SATB2: variants seen among roughly 807,000 people sequenced by gnomAD.
SATB2 encodes SATB homeobox 2.
SATB2 carries 1 observed loss-of-function variant against 73.4 expected under a neutral mutation model. The ratio of observed to expected loss-of-function variants is 0.01; its 90% confidence interval spans 0.00 to 0.06. The LOEUF is 0.06. Among genes scored for constraint, SATB2 ranks in the 10% least tolerant of loss-of-function variants. SATB2 has a pLI of 1.00. For missense variants in SATB2, 459 were observed against 945.8 expected, an observed-to-expected ratio of 0.49 and a Z score of 6.75; for synonymous variants, 397 against 367.0, an observed-to-expected ratio of 1.08 and a Z score of -0.93.
At chr2:199,361,460 C>A (rs1414050223) in intron 6 of SATB2, among the ~76,000 whole-genome samples, 2 of 151,882 alleles carry the variant, frequency 1.3e-5, no homozygotes, top group Non-Finnish European at 2.9e-5. Flanking sequence ...TCAATTACTG[C>A]AATAGGTTCG....
At chr2:199,336,311 A>G (rs1688337368) in intron 7 of SATB2, among the ~76,000 whole-genome samples, 1 of 152,088 alleles carries the variant, frequency 6.6e-6, no homozygotes, top group East Asian at 1.9e-4. Flanking sequence ...TTCTACTCAC[A>G]CCTCAAGTAC....
At chr2:199,423,185 A>G (rs1691223559) in intron 3 of SATB2, among the ~76,000 whole-genome samples, 1 of 152,176 alleles carries the variant, frequency 6.6e-6, no homozygotes, top group Non-Finnish European at 1.5e-5. Context: ...CCTACCTAAC[A>G]TTTTATTACA....
chr2:199,362,635 T>C (rs1439494701), intron 6 of SATB2, among the ~76,000 whole-genome samples: 1 of 152,120 alleles, frequency 6.6e-6, no homozygotes. Context: ...ACAATTATCT[T>C]GTGAGGAAGA....
At chr2:199,329,073 G>T in intron 7 of SATB2, 163 bp from the exon 8 acceptor site, 1 of 684,654 alleles carries the variant, frequency 1.5e-6, no homozygotes, top group Middle Eastern at 3.5e-4. Context: ...AAGTCAATGT[G>T]CTTGCCTTCC....
intron 3 of SATB2, chr2:199,395,752 C>T (rs968788371): frequency 6.6e-6 from 1 of 152,148 alleles, no homozygotes; most frequent in Non-Finnish European, 1.5e-5. Flanking sequence ...GCAATTCTTG[C>T]CCTTGCTATC....
intron 7 of SATB2, among the ~76,000 whole-genome samples, chr2:199,329,811 A>G (rs918758782): frequency 2.6e-5 from 4 of 152,190 alleles, no homozygotes; most frequent in African/African-American, 7.2e-5. Flanking sequence ...GGACTCCAGA[A>G]AAGGGCTGGA....
chr2:199,341,376 G>A (rs913057218), intron 7 of SATB2, among the ~76,000 whole-genome samples: 9 of 152,222 alleles, frequency 5.9e-5, no homozygotes, highest in Admixed American at 5.2e-4. Flanking sequence ...GAGCACAGGA[G>A]GAGTAGGGCC....
chr2:199,466,831 T>C (rs1229592665), upstream of SATB2, among the ~76,000 whole-genome samples: 2 of 152,256 alleles, frequency 1.3e-5, no homozygotes, highest in African/African-American at 4.8e-5. Flanking sequence ...CTTTTCCTTT[T>C]TTAAGAATGT....
intron 3 of SATB2, among the ~76,000 whole-genome samples, chr2:199,414,585 G>A (rs900237988): frequency 3.9e-5 from 6 of 152,204 alleles, no homozygotes; most frequent in African/African-American, 1.4e-4. Context: ...GACAGCAGGA[G>A]TGAGCTGAGC....
chr2:199,308,616 C>T lies in SATB2; in HGVS notation c.1740+144G>A. On this transcript the variant is annotated intron_variant, in intron 10 of 10. Transcript: ENST00000417098. This position sits in a 1 kb window ranked among gnomAD's most constrained non-coding sequence, Gnocchi z 4.6. ...CACATACACACAGTACCCACTGTGA[C>T]GACAGCGTCTTCTGTACTTGGGGAC... 6 of 693,180 alleles carry T rather than the reference C, an allele frequency of 8.7e-6. No homozygotes were observed. Among genetic ancestry groups the T allele is most frequent in the Admixed American group, 2.2e-5 (1 of 46,058 alleles). 42.9% of individuals were successfully genotyped at this position (693,180 alleles called of 1,614,324 possible).
intron 10 of SATB2, among the ~76,000 whole-genome samples, chr2:199,287,738 A>G (rs537317201): frequency 6.6e-6 from 1 of 152,256 alleles, no homozygotes; most frequent in South Asian, 2.1e-4. Context: ...AATTATTTAA[A>G]TCCTGTAATT....
intron 5 of SATB2, among the ~76,000 whole-genome samples, chr2:199,374,640 G>A (rs779179420): frequency 6.6e-6 from 1 of 152,198 alleles, no homozygotes; most frequent in Non-Finnish European, 1.5e-5. Context: ...CACATTGGAA[G>A]TTGCATGCAC....
intron 5 of SATB2, among the ~76,000 whole-genome samples, chr2:199,379,042 T>A (rs1018017091): frequency 2.0e-5 from 3 of 152,204 alleles, no homozygotes; most frequent in African/African-American, 7.2e-5. Context: ...ACAGACATTG[T>A]CTTAAATCAT....
intron 5 of SATB2, among the ~76,000 whole-genome samples, chr2:199,372,948 C>T (rs542800486): frequency 6.6e-6 from 1 of 152,286 alleles, no homozygotes; most frequent in African/African-American, 2.4e-5. Context: ...GAGATCTGAG[C>T]ATCCCCTTTT....
At chr2:199,421,156 G>T (rs1440027877) in intron 3 of SATB2, among the ~76,000 whole-genome samples, 1 of 152,246 alleles carries the variant, frequency 6.6e-6, no homozygotes, top group East Asian at 1.9e-4. Context: ...ATTAGAAAAA[G>T]TTCAGAGTAG....
chr2:199,399,694 G>A (rs1690413267), intron 3 of SATB2, among the ~76,000 whole-genome samples: 2 of 152,270 alleles, frequency 1.3e-5, no homozygotes, highest in South Asian at 4.1e-4. Context: ...GAGGAGCGAG[G>A]CAGCTCACAT....
At chr2:199,406,799 G>A (rs1016577712) in intron 3 of SATB2, among the ~76,000 whole-genome samples, 1 of 152,138 alleles carries the variant, frequency 6.6e-6, no homozygotes, top group East Asian at 1.9e-4. Flanking sequence ...TAATTCCATG[G>A]ATGAAATCAT....
intron 2 of SATB2, among the ~76,000 whole-genome samples, chr2:199,447,901 CAATT>C (rs1307486894): frequency 5.3e-5 from 2 of 37,466 alleles, no homozygotes; most frequent in East Asian, 4.5e-4. Context: ...TTCTTTCACT[CAATT>C]AAAGCAGAAA....
chr2:199,384,367 C>T (rs1298605278), intron 3 of SATB2, among the ~76,000 whole-genome samples: 1 of 152,190 alleles, frequency 6.6e-6, no homozygotes, highest in African/African-American at 2.4e-5. Context: ...ATGGTCTCTG[C>T]ACAGCTATTT....
Sources: gnomAD v4.1 joint callset for allele counts (sites outside exome capture counted in the v4.1 genomes callset) on GRCh38, gnomAD v4.1.1 for gene constraint, Gnocchi (gnomAD v3.1) non-coding constraint, MANE v1.5 for transcripts, NCBI Gene and HGNC (gene_info 2026-07-23, HGNC 2026-07-21) for gene names.